Variants in LARS2 observed in about 807,000 individuals in gnomAD.
LARS2 encodes the protein leucyl-tRNA synthetase 2, mitochondrial, also known as leucine--tRNA ligase, mitochondrial.
Under a neutral mutation model 116.6 loss-of-function variants are expected in LARS2, and 81 were observed. The ratio of observed to expected loss-of-function variants is 0.69; its 90% confidence interval spans 0.58 to 0.84. The LOEUF (loss-of-function observed/expected upper bound fraction) is 0.84, where lower values mean the gene tolerates loss of function less well. Ranked by LOEUF, LARS2 falls within the 40% of genes least tolerant of loss-of-function variation. LARS2 has a pLI of 0.00. For missense variants in LARS2, 968 were observed against 1,114.5 expected (o/e 0.87, Z 1.87); for synonymous variants, 396 against 407.2 (o/e 0.97, Z 0.33).
chr3:45,420,512 G>C (rs1261050581), intron 6 of LARS2, among the ~76,000 whole-genome samples: 1 of 152,132 alleles, frequency 6.6e-6, no homozygotes, highest in Non-Finnish European at 1.5e-5. Context: ...AGAAGCACTG[G>C]AACAAATGCA....
chr3:45,453,050 C>T (rs1699159250), intron 7 of LARS2, among the ~76,000 whole-genome samples: 1 of 151,994 alleles, frequency 6.6e-6, no homozygotes, highest in Non-Finnish European at 1.5e-5. Context: ...TTATTTGGCT[C>T]TTTTCTTCTT....
intron 6 of LARS2, among the ~76,000 whole-genome samples, chr3:45,440,690 A>G (rs1344700716): frequency 1.3e-5 from 2 of 152,148 alleles, no homozygotes; most frequent in South Asian, 2.1e-4. Context: ...ATCTAGGGCC[A>G]TCACTGTCAA....
At chr3:45,508,583 C>T (rs9833543) in intron 15 of LARS2, among the ~76,000 whole-genome samples, 2 of 151,910 alleles carry the variant, frequency 1.3e-5, no homozygotes, top group African/African-American at 4.8e-5. Flanking sequence ...CTATGGCCTT[C>T]AAAGATCTGC....
intron 6 of LARS2, 74 bp from the exon 7 acceptor site, chr3:45,446,817 T>C: frequency 1.2e-6 from 1 of 832,934 alleles, no homozygotes; most frequent in Non-Finnish European, 1.9e-6. Context: ...CAAAATTCAG[T>C]TGCAAGACTG....
At chr3:45,431,065 C>T (rs1000894295) in intron 6 of LARS2, among the ~76,000 whole-genome samples, 1 of 152,056 alleles carries the variant, frequency 6.6e-6, no homozygotes, top group African/African-American at 2.4e-5. Flanking sequence ...TATGAAGAGA[C>T]CAGATAGCCC....
At chr3:45,409,655 T>C (rs906823731) in intron 4 of LARS2, among the ~76,000 whole-genome samples, 11 of 152,282 alleles carry the variant, frequency 7.2e-5, no homozygotes, top group Admixed American at 1.3e-4. Flanking sequence ...AGCTTTGCGC[T>C]TGGTCACTGG....
intron 14 of LARS2, among the ~76,000 whole-genome samples, chr3:45,497,777 C>T (rs1385234598): frequency 5.3e-5 from 8 of 152,104 alleles, no homozygotes; most frequent in Non-Finnish European, 1.0e-4. Context: ...CACGGTGGCA[C>T]GCACCTGTAA....
Position 45,548,169 on chromosome 3 carries a change from A to C in LARS2, c.*639A>C, listed in dbSNP as rs1442923537. On this transcript the variant is annotated 3_prime_UTR_variant, in exon 22 of 22. Transcript: ENST00000645846. ...TCTGCCTGTGTCCCCACCACTCCCC[A>C]GCTCTGTCATGCAGGCCTGTCCTCC... is the stretch of plus-strand genomic sequence containing the variant. 6.6e-6 allele frequency: 1 copy of C among 152,282 alleles called. No homozygotes were observed. The highest frequency in any genetic ancestry group is 1.5e-5 in the Non-Finnish European group (1 of 68,090). 9.4% of individuals were successfully genotyped at this position (152,282 alleles called of 1,614,324 possible).
At chr3:45,479,879 A>ACTAT (rs1699670022) in intron 10 of LARS2, among the ~76,000 whole-genome samples, 1 of 151,494 alleles carries the variant, frequency 6.6e-6, no homozygotes, top group Admixed American at 6.6e-5. Context: ...TGAGTCACCA[A>ACTAT]CTATCTACAC....
At chr3:45,492,397 A>G (rs1031350037) in intron 13 of LARS2, among the ~76,000 whole-genome samples, 1 of 152,266 alleles carries the variant, frequency 6.6e-6, no homozygotes, top group Non-Finnish European at 1.5e-5. Flanking sequence ...ATATCAGCTA[A>G]TTAAACAAAT....
At chr3:45,417,632 T>A in intron 5 of LARS2, 59 bp downstream of exon 5, 1 of 1,155,106 alleles carries the variant, frequency 8.7e-7, no homozygotes, top group South Asian at 1.3e-5. Flanking sequence ...AAAATTTTTT[T>A]AACCTGTGCT....
At chr3:45,420,890 A>C (rs1442085652) in intron 6 of LARS2, among the ~76,000 whole-genome samples, 1 of 152,252 alleles carries the variant, frequency 6.6e-6, no homozygotes, top group African/African-American at 2.4e-5. Flanking sequence ...GGATTAGAAC[A>C]TACAGAAAAG....
At chr3:45,407,231 A>G (rs1482249919) in intron 4 of LARS2, among the ~76,000 whole-genome samples, 1 of 152,262 alleles carries the variant, frequency 6.6e-6, no homozygotes, top group Non-Finnish European at 1.5e-5. Flanking sequence ...TAGCAAGTAA[A>G]CAATAATGTA....
At chr3:45,441,654 T>C (rs1457874371) in intron 6 of LARS2, among the ~76,000 whole-genome samples, 1 of 152,182 alleles carries the variant, frequency 6.6e-6, no homozygotes, top group East Asian at 1.9e-4. Context: ...GACCAAGTAT[T>C]ATTTTATACC....
chr3:45,540,228 C>T (rs1700769835), intron 20 of LARS2, among the ~76,000 whole-genome samples: 2 of 152,032 alleles, frequency 1.3e-5, no homozygotes, highest in South Asian at 4.1e-4. Context: ...CACTGCACTC[C>T]AGCCTGGATG....
intron 8 of LARS2, among the ~76,000 whole-genome samples, chr3:45,463,791 A>G (rs1241031091): frequency 1.3e-5 from 2 of 152,076 alleles, no homozygotes; most frequent in African/African-American, 4.8e-5. Flanking sequence ...AGTGCCACAG[A>G]CAGTGGTAGA....
chr3:45,543,725 A>C (rs1236388346), intron 21 of LARS2, among the ~76,000 whole-genome samples: 1 of 152,058 alleles, frequency 6.6e-6, no homozygotes, highest in Non-Finnish European at 1.5e-5. Flanking sequence ...CAGCCTCCCA[A>C]AGTGCTGGGA....
intron 8 of LARS2, among the ~76,000 whole-genome samples, chr3:45,467,082 T>C (rs1203396784): frequency 1.3e-5 from 2 of 151,934 alleles, no homozygotes; most frequent in Non-Finnish European, 2.9e-5. Flanking sequence ...TAATGGAAAG[T>C]GTGGTGATTA....
At chr3:45,483,978 T>C (rs577899295) in intron 10 of LARS2, 10 of 151,354 alleles carry the variant, frequency 6.6e-5, no homozygotes, top group African/African-American at 2.4e-4. Flanking sequence ...ATGATAGGAT[T>C]GTGTGAGCCC....
Sources: allele counts gnomAD v4.1 joint callset (sites outside exome capture counted in the v4.1 genomes callset), GRCh38; gene constraint gnomAD v4.1.1; transcripts MANE v1.5; gene names NCBI Gene and HGNC (gene_info 2026-07-23, HGNC 2026-07-21).